Variants in C16orf87 observed in about 807,000 individuals in gnomAD.
C16orf87 encodes the protein HDAC and MIER1 interacting protein 1.
In C16orf87, 13 loss-of-function variants were observed where a neutral mutation model predicts 21.0. That is an observed-to-expected ratio of 0.62 (90% CI 0.40 to 0.98). C16orf87 has a LOEUF of 0.98. Among genes scored for constraint, C16orf87 ranks in the 50% least tolerant of loss-of-function variants. The pLI, the probability that C16orf87 is intolerant of heterozygous loss-of-function variation, is 0.00. For missense variants in C16orf87, 113 were observed against 180.4 expected (o/e 0.63, Z 2.14); for synonymous variants, 49 against 60.2 (o/e 0.81, Z 0.86).
chr16:46,800,236 A>G lies in C16orf87; in HGVS notation c.*2716T>C, dbSNP rs1967733202. 1 of 151,640 alleles carries G rather than the reference A, an allele frequency of 6.6e-6. No homozygotes were observed. Among genetic ancestry groups the G allele is most frequent in the Non-Finnish European group, 1.5e-5 (1 of 67,966 alleles). The allele number at this position is 151,640 out of a possible 1,614,324, so 9.4% of individuals were successfully genotyped here. On this transcript the variant is annotated 3_prime_UTR_variant, in exon 4 of 4. Coordinates refer to ENST00000285697, the MANE Select transcript of C16orf87 (RefSeq NM_001001436.4). The stretch of plus-strand genomic sequence containing the variant: ...AAAGAAATAAGAATAGACTGGCTAA[A>G]TTTTCAGGTCATTTGCAATTTTAAA...
chr16:46,822,125 A>C (rs1054221419), intron 2 of C16orf87, among the ~76,000 whole-genome samples: 2 of 152,096 alleles, frequency 1.3e-5, no homozygotes, highest in Non-Finnish European at 2.9e-5. Context: ...ATCACAGCTC[A>C]CTGCAGCCTC....
At chr16:46,824,900 G>A (rs637583) in intron 1 of C16orf87, among the ~76,000 whole-genome samples, 148,666 of 152,200 alleles carry the variant, frequency 0.98, 72,693 homozygotes, top group East Asian at 1. Context: ...TCCTCACCTC[G>A]TGATCCGCCC....
intron 2 of C16orf87, among the ~76,000 whole-genome samples, chr16:46,814,222 T>G (rs745734821): frequency 6.6e-6 from 1 of 152,214 alleles, no homozygotes; most frequent in African/African-American, 2.4e-5. Context: ...ATAGCTGCTA[T>G]AGAACGGAGA....
chr16:46,803,553 C>A (rs1402503276), intron 3 of C16orf87, among the ~76,000 whole-genome samples: 1 of 152,062 alleles, frequency 6.6e-6, no homozygotes, highest in Non-Finnish European at 1.5e-5. Flanking sequence ...AAATAAAAAT[C>A]ACTCGTAATC....
At position 46,796,649 on chromosome 16, in the gene C16orf87, T is replaced by C. The variant is rs1383725551; in HGVS notation, c.*6303A>G. On this transcript the variant is annotated 3_prime_UTR_variant, in exon 4 of 4. Coordinates refer to ENST00000285697, the MANE Select transcript of C16orf87 (RefSeq NM_001001436.4). Reference sequence around the variant, plus strand: ...CTTTAGACATCCTACAATGTGAACATACATATTGAAACATCATGCTGCATA... The same window carrying C: ...CTTTAGACATCCTACAATGTGAACACACATATTGAAACATCATGCTGCATA... The C allele has an allele frequency of 6.6e-6, 1 of 152,202 alleles. No homozygotes were observed. Among genetic ancestry groups the C allele is most frequent in the Non-Finnish European group, 1.5e-5 (1 of 68,044 alleles). The allele number at this position is 152,202 out of a possible 1,614,324, so 9.4% of individuals were successfully genotyped here.
chr16:46,827,899 G>GAA (rs749406369), intron 1 of C16orf87, among the ~76,000 whole-genome samples: 1 of 127,954 alleles, frequency 7.8e-6, no homozygotes, highest in Non-Finnish European at 1.7e-5. Context: ...TTTTAAATCT[G>GAA]AAAAAAAAAA....
At chr16:46,817,905 T>C (rs530821696) in intron 2 of C16orf87, among the ~76,000 whole-genome samples, 135 of 81,734 alleles carry the variant, frequency 1.7e-3, no homozygotes, top group African/African-American at 6.1e-3. Flanking sequence ...TGCATTTTTT[T>C]CATCAAAAAG....
At chr16:46,824,612 A>G in intron 1 of C16orf87, 130 bp from the exon 2 acceptor site, 1 of 441,868 alleles carries the variant, frequency 2.3e-6, no homozygotes, top group Non-Finnish European at 4.0e-6. Flanking sequence ...TTAAACCTCA[A>G]CTCCTTACAA....
chr16:46,813,204 C>T (rs1968147528), intron 2 of C16orf87, among the ~76,000 whole-genome samples: 1 of 152,172 alleles, frequency 6.6e-6, no homozygotes. Flanking sequence ...TTGAATGTCT[C>T]AAAGGCATTT....
Position 46,809,721 on chromosome 16 carries a change from T to C in C16orf87, c.228A>G (p.Thr76=), listed in dbSNP as rs1968029751. ...ERVRREKINS[T]VNKDLENRKR... The stretch of plus-strand genomic sequence containing the variant: ...TTCTGTTTTCTAAATCTTTATTTAC[T>C]GTAGAATTTATCTTCTCTCTCCTAA... The change falls in exon 3 of 4, where the codon ACA becomes ACG. Residue 76 remains threonine, a synonymous_variant. Transcript: ENST00000285697. 9 of 1,609,014 alleles carry C rather than the reference T, an allele frequency of 5.6e-6. No individual in the cohort carries two copies. The East Asian group carries it at 1.1e-4, about 20-fold the overall frequency.
Position 46,797,317 on chromosome 16 carries a change from G to GA in C16orf87, c.*5634dup, listed in dbSNP as rs1444517152. Reference sequence around the variant, plus strand: ...TAAAAATATCTATGATAGTTGTAAGGAAAAAATACATTATCTGATGAGTCT... The same window carrying GA: ...TAAAAATATCTATGATAGTTGTAAGGAAAAAAATACATTATCTGATGAGTCT... On this transcript the variant is annotated 3_prime_UTR_variant, in exon 4 of 4. Coordinates refer to ENST00000285697, the MANE Select transcript of C16orf87 (RefSeq NM_001001436.4). The GA allele has an allele frequency of 6.6e-6, 1 of 152,054 alleles. No individual in the cohort carries two copies. The highest frequency in any genetic ancestry group is 1.5e-5 in the Non-Finnish European group (1 of 67,988). The allele number at this position is 152,054 out of a possible 1,614,324, so 9.4% of individuals were successfully genotyped here. A position where few individuals can be genotyped will look rare whatever the true frequency, so the allele number is the denominator to read the frequency against.
At chr16:46,827,592 T>C (rs1388436552) in intron 1 of C16orf87, among the ~76,000 whole-genome samples, 2 of 152,122 alleles carry the variant, frequency 1.3e-5, no homozygotes, top group African/African-American at 4.8e-5. Context: ...TATTTATCTT[T>C]TTTTTTTGAG....
At chr16:46,819,466 C>G (rs1959321005) in intron 2 of C16orf87, among the ~76,000 whole-genome samples, 2 of 151,768 alleles carry the variant, frequency 1.3e-5, no homozygotes, top group Non-Finnish European at 2.9e-5. Context: ...CACACCACCA[C>G]GCCCAACTAA....
chr16:46,817,429 G>GT (rs1390255973), intron 2 of C16orf87, among the ~76,000 whole-genome samples: 1 of 152,144 alleles, frequency 6.6e-6, no homozygotes, highest in East Asian at 1.9e-4. Context: ...GCTCACCCCT[G>GT]TAATTCCAGC....
At chr16:46,805,956 G>A (rs996401917) in intron 3 of C16orf87, among the ~76,000 whole-genome samples, 4 of 152,132 alleles carry the variant, frequency 2.6e-5, no homozygotes, top group Non-Finnish European at 5.9e-5. Flanking sequence ...TATCCTGGCC[G>A]TCAACAGACA....
At position 46,814,362 on chromosome 16, in the gene C16orf87, T is replaced by C. The variant is rs570958244; in HGVS notation, c.164-4577A>G. 3.3e-5 allele frequency among the ~76,000 whole-genome samples: 5 copies of C among 152,302 alleles called. No homozygotes were observed. The South Asian group carries it at 1.0e-3, about 32-fold the overall frequency. Reference sequence around the variant, plus strand: ...CTATTGCAGTACAGTTGGGCCTATGTATACAGAGCAACTGACATAAGGAAG... The same window carrying C: ...CTATTGCAGTACAGTTGGGCCTATGCATACAGAGCAACTGACATAAGGAAG... On this transcript the variant is annotated intron_variant, in intron 2 of 3. Transcript: ENST00000285697.
At chr16:46,817,930 A>C (rs1052264964) in intron 2 of C16orf87, among the ~76,000 whole-genome samples, 5 of 150,798 alleles carry the variant, frequency 3.3e-5, no homozygotes, top group Non-Finnish European at 5.9e-5. Context: ...AAAAAAAAAA[A>C]AAAAAAAAAC....
intron 1 of C16orf87, among the ~76,000 whole-genome samples, chr16:46,828,552 G>C (rs1403609075): frequency 1.3e-5 from 2 of 152,158 alleles, no homozygotes; most frequent in East Asian, 3.8e-4. Context: ...AGAATGATAT[G>C]TTCAATAGAA....
intron 3 of C16orf87, among the ~76,000 whole-genome samples, chr16:46,805,482 T>C (rs886598383): frequency 2.0e-5 from 3 of 152,212 alleles, no homozygotes; most frequent in African/African-American, 7.2e-5. Flanking sequence ...ATCACCTTGT[T>C]CATTTTACAA....
Sources: gnomAD v4.1 joint callset for allele counts (sites outside exome capture counted in the v4.1 genomes callset) on GRCh38, gnomAD v4.1.1 for gene constraint, MANE v1.5 for transcripts, NCBI Gene and HGNC (gene_info 2026-07-23, HGNC 2026-07-21) for gene names.